EPB41: variants seen among roughly 807,000 people sequenced by gnomAD.
The protein encoded by EPB41 is protein 4.1.
EPB41 carries 65 observed loss-of-function variants against 108.0 expected under a neutral mutation model. The observed-to-expected ratio is 0.60, with a 90% CI of 0.49 to 0.74. The LOEUF (loss-of-function observed/expected upper bound fraction) is 0.74, where lower values mean the gene tolerates loss of function less well. Ranked by LOEUF, EPB41 falls within the 30% of genes least tolerant of loss-of-function variation. The pLI is 0.00. For synonymous variants in EPB41, 336 were observed against 358.9 expected (o/e 0.94, Z 0.72); for missense variants, 875 against 1,037.0 (o/e 0.84, Z 2.15).
In EPB41 at chr1:28,989,813, AAG is replaced by A. The variant is rs764351623; in HGVS notation, c.468+1911_468+1912del. On this transcript the variant is annotated intron_variant, in intron 2 of 20. Coordinates refer to ENST00000343067, the MANE Select transcript of EPB41 (RefSeq NM_001376013.1). ...CCTCATTTGGGATTGAAAGGATTAAAAGAGTGAAACCGGTAAAAGCTCTTAAA... is the reference window on the plus strand; with the variant it reads ...CCTCATTTGGGATTGAAAGGATTAAAAGTGAAACCGGTAAAAGCTCTTAAA... Among the ~76,000 whole-genome samples the A allele has an allele frequency of 7.8e-4, 119 of 152,334 alleles. 1 individual carries two copies. The Middle Eastern group carries it at 0.014, about 17-fold the overall frequency.
intron 15 of EPB41, among the ~76,000 whole-genome samples, chr1:29,062,033 T>C (rs1188692063): frequency 1.3e-5 from 2 of 152,228 alleles, no homozygotes; most frequent in Non-Finnish European, 2.9e-5. Flanking sequence ...ATTAAACATG[T>C]ATTGCGTGGT....
chr1:28,925,303 G>C (rs570651802), intron 1 of EPB41, among the ~76,000 whole-genome samples: 4 of 152,012 alleles, frequency 2.6e-5, no homozygotes, highest in East Asian at 1.9e-4. Flanking sequence ...GTAGGGATGG[G>C]GTCTCCATAT....
rs1421315614 is a variant in EPB41, at chr1:29,035,014, C to T, written c.1366-812C>T. ...TTTTTTTTTGGAAGAAGAAGTCTCG[C>T]TTTGTCACCCAGGCTGGAGTGCAGT... is the stretch of plus-strand genomic sequence containing the variant. On this transcript the variant is annotated intron_variant, in intron 9 of 20. Transcript: ENST00000343067. Among the ~76,000 whole-genome samples the T allele has an allele frequency of 2.4e-5, 3 of 124,120 alleles. No individual in the cohort carries two copies. The East Asian group carries it at 8.6e-4, about 36-fold the overall frequency. The allele number at this position is 124,120 out of a possible 152,430, so 81.4% of individuals were successfully genotyped here.
chr1:29,108,955 T>G (rs1361911467), intron 17 of EPB41, among the ~76,000 whole-genome samples: 1 of 151,006 alleles, frequency 6.6e-6, no homozygotes, highest in African/African-American at 2.4e-5. Context: ...TGCCAGTACT[T>G]TGGGAGGCCG....
At chr1:29,049,992 A>C (rs1644211596) in intron 11 of EPB41, among the ~76,000 whole-genome samples, 1 of 152,214 alleles carries the variant, frequency 6.6e-6, no homozygotes, top group African/African-American at 2.4e-5. Flanking sequence ...ACTGTGTGGT[A>C]TGTGAATTGT....
intron 16 of EPB41, chr1:29,069,458 T>C: frequency 8.2e-7 from 1 of 1,219,508 alleles, no homozygotes; most frequent in Non-Finnish European, 1.0e-6. Flanking sequence ...ATTTATTTGT[T>C]TTGGTGAACC....
intron 1 of EPB41, among the ~76,000 whole-genome samples, chr1:28,939,733 G>A (rs2094198332): frequency 6.6e-6 from 1 of 152,152 alleles, no homozygotes; most frequent in Non-Finnish European, 1.5e-5. Flanking sequence ...GTGAGCCATC[G>A]CACCTGGCCT....
intron 12 of EPB41, among the ~76,000 whole-genome samples, chr1:29,057,149 G>A (rs1206180028): frequency 6.6e-6 from 1 of 151,842 alleles, no homozygotes; most frequent in East Asian, 1.9e-4. Flanking sequence ...GGCTGAGGCG[G>A]GCGGATCACA....
intron 1 of EPB41, among the ~76,000 whole-genome samples, chr1:28,903,767 G>A (rs1309039256): frequency 7.2e-5 from 11 of 152,178 alleles, no homozygotes. Context: ...AAAAGGAAGG[G>A]AGGGGAAGTG....
intron 17 of EPB41, among the ~76,000 whole-genome samples, chr1:29,102,093 C>T (rs1665613013): frequency 6.6e-6 from 1 of 152,174 alleles, no homozygotes; most frequent in South Asian, 2.1e-4. Context: ...TAGGAAATTA[C>T]TTAAAAATTG....
intron 1 of EPB41, among the ~76,000 whole-genome samples, chr1:28,898,697 G>A (rs116155568): frequency 0.027 from 4,128 of 152,212 alleles, 129 homozygotes; most frequent in African/African-American, 0.072. Context: ...AGTCTTCAGA[G>A]GGGTGCTGGC....
At chr1:29,088,037 CT>C (rs1456996173) in intron 16 of EPB41, among the ~76,000 whole-genome samples, 38 of 139,864 alleles carry the variant, frequency 2.7e-4, no homozygotes, top group Non-Finnish European at 5.0e-4. Context: ...TTTCCTTTTT[CT>C]TTTTTTCTTT....
intron 17 of EPB41, among the ~76,000 whole-genome samples, chr1:29,101,666 TC>T (rs1397259649): frequency 1.6e-4 from 24 of 152,028 alleles, no homozygotes; most frequent in Admixed American, 1.6e-3. Flanking sequence ...AGCGTCCATC[TC>T]AAAAATAAAT....
chr1:28,898,007 C>T lies in EPB41; in HGVS notation c.-8+10797C>T, dbSNP rs117492096. ...GCTTTGAAGGATGAGTAAGAGCTCT[C>T]TAGGTAGGCAATGGCAGGAACAACT... On this transcript the variant is annotated intron_variant, in intron 1 of 16. Coordinates refer to the EPB41 transcript ENST00000347529. Among the ~76,000 whole-genome samples, 398 of 152,126 alleles carry T rather than the reference C, an allele frequency of 2.6e-3. 6 individuals are homozygous for T. In the South Asian group the frequency reaches 0.052, roughly 20 times the overall value.
intron 17 of EPB41, among the ~76,000 whole-genome samples, chr1:29,100,333 G>T (rs1558309774): frequency 6.9e-6 from 1 of 145,450 alleles, no homozygotes; most frequent in African/African-American, 2.4e-5. Flanking sequence ...AGCTGGGCAT[G>T]GTGGCACATC....
At position 28,953,993 on chromosome 1, in the gene EPB41, T is replaced by G. The variant is rs961141443; in HGVS notation, c.-7-33438T>G. Among the ~76,000 whole-genome samples the G allele has an allele frequency of 3.3e-5, 5 of 152,312 alleles. No individual in the cohort carries two copies. The East Asian group carries it at 9.6e-4, about 29-fold the overall frequency. ...ACTTTGAGAACTATTAGGCTGAAGTTCAAGGATCTGCATTAGAATTACCTT... is the reference window on the plus strand; with the variant it reads ...ACTTTGAGAACTATTAGGCTGAAGTGCAAGGATCTGCATTAGAATTACCTT... On this transcript the variant is annotated intron_variant, in intron 1 of 20. Transcript: ENST00000343067.
At chr1:28,892,650 G>A (rs2090245916) in intron 1 of EPB41, among the ~76,000 whole-genome samples, 1 of 152,056 alleles carries the variant, frequency 6.6e-6, no homozygotes, top group African/African-American at 2.4e-5. Context: ...AGGAGGCGGA[G>A]GTTGCGCCAT....
rs77280039 is a variant in EPB41 at position 28,972,400 on chromosome 1, T to A, written c.-7-15031T>A. ...TATATCCAGACATCTTTTAAGTATA[T>A]GCCTGAATTCTCTAGAGAAGTAAAG... is the stretch of plus-strand genomic sequence containing the variant. On this transcript the variant is annotated intron_variant, in intron 1 of 20. Transcript: ENST00000343067. Among the ~76,000 whole-genome samples, 56 of 152,362 alleles carry A rather than the reference T, an allele frequency of 3.7e-4. 1 individual carries two copies. The East Asian group carries it at 0.01, about 28-fold the overall frequency.
intron 1 of EPB41, among the ~76,000 whole-genome samples, chr1:28,956,954 G>A (rs2094974385): frequency 2.0e-5 from 3 of 152,226 alleles, no homozygotes. Flanking sequence ...TACATGAGCT[G>A]CAACTTGAGC....
Sources: gnomAD v4.1 joint callset for allele counts (sites outside exome capture counted in the v4.1 genomes callset) on GRCh38, gnomAD v4.1.1 for gene constraint, MANE v1.5 for transcripts, NCBI Gene and HGNC (gene_info 2026-07-23, HGNC 2026-07-21) for gene names.